The following CNTN4 variants were observed in gnomAD, a reference collection of about 807,000 sequenced individuals.
The protein encoded by CNTN4 is contactin 4.
In CNTN4, 77 loss-of-function variants were observed where a neutral mutation model predicts 122.5. That is an observed-to-expected ratio of 0.63 (90% CI 0.52 to 0.76). The LOEUF (loss-of-function observed/expected upper bound fraction) is 0.76. Among genes scored for constraint, CNTN4 ranks in the 30% least tolerant of loss-of-function variants. CNTN4 has a pLI of 0.00. For synonymous variants in CNTN4, 512 were observed against 447.0 expected, an observed-to-expected ratio of 1.15 and a Z score of -1.83; for missense variants, 1,256 against 1,259.1, an observed-to-expected ratio of 1.00 and a Z score of 0.04.
intron 17 of CNTN4, among the ~76,000 whole-genome samples, chr3:3,036,626 G>A (rs1367485605): frequency 9.9e-5 from 15 of 151,168 alleles, no homozygotes; most frequent in Admixed American, 2.0e-4. Flanking sequence ...AAATAGACAG[G>A]CATAGTGGCA....
intron 4 of CNTN4, among the ~76,000 whole-genome samples, chr3:2,700,405 G>T (rs1294360053): frequency 6.6e-6 from 1 of 152,266 alleles, no homozygotes; most frequent in African/African-American, 2.4e-5. Context: ...ACCAATGAAT[G>T]CATGATTTGG....
intron 14 of CNTN4, among the ~76,000 whole-genome samples, chr3:3,015,916 A>T (rs2125549462): frequency 6.6e-6 from 1 of 152,312 alleles, no homozygotes; most frequent in South Asian, 2.1e-4. Context: ...CAAAGATCTT[A>T]TTATGCCATT....
At chr3:2,232,671 A>G (rs540969667) in intron 2 of CNTN4, among the ~76,000 whole-genome samples, 7 of 152,312 alleles carry the variant, frequency 4.6e-5, no homozygotes, top group Admixed American at 2.0e-4. Context: ...GTGAATGTCT[A>G]TTACCCCAGG....
chr3:2,613,189 G>A (rs2081573400), intron 4 of CNTN4, among the ~76,000 whole-genome samples: 1 of 152,064 alleles, frequency 6.6e-6, no homozygotes, highest in Non-Finnish European at 1.5e-5. Context: ...GAGACTCCCT[G>A]TTCAGAAGAA....
intron 16 of CNTN4, among the ~76,000 whole-genome samples, chr3:3,032,895 G>A (rs1176976718): frequency 6.6e-5 from 10 of 152,170 alleles, no homozygotes; most frequent in Admixed American, 6.5e-4. Flanking sequence ...TAAACATTCT[G>A]TAAGGTCGTA....
In CNTN4 at chr3:2,616,718, T is replaced by C. The variant is rs1174539252; in HGVS notation, c.55+45160T>C. On this transcript the variant is annotated intron_variant, in intron 4 of 24. Coordinates refer to ENST00000418658, the MANE Select transcript of CNTN4 (RefSeq NM_175607.3). ...AGAAAAAAGAACAAAGCTGGAGGCA[T>C]CGTGCTCCCTGACTTCGAACTATAC... 7.9e-5 allele frequency among the ~76,000 whole-genome samples: 12 copies of C among 152,266 alleles called. No homozygotes were observed. In the East Asian group the frequency reaches 1.7e-3, roughly 22 times the overall value.
chr3:2,798,735 T>G (rs971692014), intron 6 of CNTN4, among the ~76,000 whole-genome samples: 1 of 152,104 alleles, frequency 6.6e-6, no homozygotes, highest in African/African-American at 2.4e-5. Context: ...GGTCTCAAAC[T>G]CCTAAGCTCA....
At chr3:2,328,273 G>A (rs1261695275) in intron 2 of CNTN4, among the ~76,000 whole-genome samples, 5 of 150,026 alleles carry the variant, frequency 3.3e-5, no homozygotes, top group East Asian at 4.0e-4. Flanking sequence ...GGGCGTGGTG[G>A]CGGGCGCCTG....
chr3:2,951,896 T>G (rs1357677387), intron 13 of CNTN4, among the ~76,000 whole-genome samples: 1 of 152,210 alleles, frequency 6.6e-6, no homozygotes, highest in African/African-American at 2.4e-5. Context: ...GTGTCATGGA[T>G]CCCTGCACTA....
intron 3 of CNTN4, among the ~76,000 whole-genome samples, chr3:2,464,536 C>T (rs1304331152): frequency 1.3e-5 from 2 of 152,180 alleles, no homozygotes; most frequent in African/African-American, 4.8e-5. Context: ...AGAGGAGTGA[C>T]TAAAGAGAAA....
chr3:2,323,327 T>C (rs575989065), intron 2 of CNTN4, among the ~76,000 whole-genome samples: 28 of 152,184 alleles, frequency 1.8e-4, no homozygotes, highest in Non-Finnish European at 3.7e-4. Flanking sequence ...GGCAAGTGAT[T>C]GGAAATTGTA....
chr3:3,045,466 T>G (rs149149), intron 23 of CNTN4, among the ~76,000 whole-genome samples: 1 of 152,124 alleles, frequency 6.6e-6, no homozygotes, highest in African/African-American at 2.4e-5. Context: ...ACATTTGCTG[T>G]TCAGCAATAT....
intron 6 of CNTN4, 59 bp from the exon 7 acceptor site, chr3:2,819,427 T>C (rs2092813593): frequency 2.3e-6 from 3 of 1,286,054 alleles, no homozygotes; most frequent in Non-Finnish European, 3.4e-6. Flanking sequence ...AGTGGTACTC[T>C]CCCTTGATAT....
At chr3:2,959,906 T>C (rs2094836297) in intron 13 of CNTN4, among the ~76,000 whole-genome samples, 1 of 152,212 alleles carries the variant, frequency 6.6e-6, no homozygotes, top group Admixed American at 6.5e-5. Context: ...AATGAAAACA[T>C]TTCAAGTCAG....
intron 2 of CNTN4, among the ~76,000 whole-genome samples, chr3:2,306,169 T>C (rs2042698064): frequency 6.6e-6 from 1 of 152,198 alleles, no homozygotes; most frequent in Non-Finnish European, 1.5e-5. Flanking sequence ...CTGGGTCATA[T>C]GGTAAAGCTA....
intron 14 of CNTN4, among the ~76,000 whole-genome samples, chr3:2,992,450 G>A (rs1004018202): frequency 1.3e-5 from 2 of 152,136 alleles, no homozygotes; most frequent in African/African-American, 4.8e-5. Flanking sequence ...ACATCATTAA[G>A]AACTCTACAG....
At chr3:2,122,126 G>A (rs1314582455) in intron 2 of CNTN4, among the ~76,000 whole-genome samples, 1 of 150,036 alleles carries the variant, frequency 6.7e-6, no homozygotes, top group Admixed American at 6.7e-5. Flanking sequence ...CTGCACTCCA[G>A]CCTGGGCGAC....
intron 7 of CNTN4, among the ~76,000 whole-genome samples, chr3:2,819,806 A>G (rs2092822665): frequency 6.6e-6 from 1 of 152,184 alleles, no homozygotes; most frequent in Non-Finnish European, 1.5e-5. Flanking sequence ...GCACAAGAAG[A>G]AAGACACCTG....
chr3:2,438,666 CATG>C (rs1458640361), intron 3 of CNTN4, among the ~76,000 whole-genome samples: 2 of 152,180 alleles, frequency 1.3e-5, no homozygotes, highest in Non-Finnish European at 2.9e-5. Context: ...GGCAGAAAGT[CATG>C]ACTCAGTACA....
Sources: allele counts gnomAD v4.1 joint callset (sites outside exome capture counted in the v4.1 genomes callset), GRCh38; gene constraint gnomAD v4.1.1; transcripts MANE v1.5; gene names NCBI Gene and HGNC (gene_info 2026-07-23, HGNC 2026-07-21).